FAM83H: variants seen among roughly 807,000 people sequenced by gnomAD.
FAM83H encodes the protein protein FAM83H.
Under a neutral mutation model 30.2 loss-of-function variants are expected in FAM83H, and 24 were observed. The observed-to-expected ratio is 0.79, with a 90% CI of 0.57 to 1.12. The LOEUF (loss-of-function observed/expected upper bound fraction) is 1.12, where lower values mean the gene tolerates loss of function less well. Ranked by LOEUF, FAM83H falls within the 50% of genes most tolerant of loss-of-function variation. The pLI is 0.00. For synonymous variants in FAM83H, 1,013 were observed against 821.7 expected (o/e 1.23, Z -3.98); for missense variants, 2,038 against 1,773.9 (o/e 1.15, Z -2.67).
In FAM83H at chr8:143,727,931, G is replaced by A. The variant is rs1554622975; in HGVS notation, c.1530C>T (p.Tyr510=). ...CCTCGCGGGACGCGCTGGACGGCACGTAGTCCAGCCGCTGGTGCCCGTCGG... is the reference window on the plus strand; with the variant it reads ...CCTCGCGGGACGCGCTGGACGGCACATAGTCCAGCCGCTGGTGCCCGTCGG... ...LGPDGHQRLD[Y]VPSSASREVR... Residue 510 remains tyrosine, a synonymous_variant, in exon 5 of 5, where the codon TAC becomes TAT. Coordinates refer to ENST00000388913, the MANE Select transcript of FAM83H (RefSeq NM_198488.5). 16 of 1,538,142 alleles carry A rather than the reference G, an allele frequency of 1.0e-5. No homozygotes were observed. The highest frequency in any genetic ancestry group is 3.5e-5 in the South Asian group (3 of 84,602).
chr8:143,725,804 G>A lies in FAM83H; in HGVS notation c.*117C>T. The A allele has an allele frequency of 6.5e-7, 1 of 1,527,170 alleles. No homozygotes were observed. The allele number at this position is 1,527,170 out of a possible 1,614,324, so 94.6% of individuals were successfully genotyped here. ...GGCGCACTCAGCCAAGCCCCAAGCG[G>A]CCGTGGCCTGACAGCCGCTGCTCAA... On this transcript the variant is annotated 3_prime_UTR_variant, in exon 5 of 5. Transcript: ENST00000388913.
chr8:143,726,855 C>T lies in FAM83H; in HGVS notation c.2606G>A (p.Gly869Glu). Residue 869 changes from glycine to glutamate, a missense_variant, in exon 5 of 5, where the codon GGG (glycine) becomes GAG (glutamate). Coordinates refer to ENST00000388913, the MANE Select transcript of FAM83H (RefSeq NM_198488.5). ...AHQVLHNESK[G>E]SPTSAYPERK... is the part of the protein sequence containing the mutation. ...CTCAGGGTAAGCCGAGGTGGGGCTC[C>T]CTTTTGACTCATTATGGAGCACCTG... 6 of 1,613,030 alleles carry T rather than the reference C, an allele frequency of 3.7e-6. No individual in the cohort carries two copies. The highest frequency in any genetic ancestry group is 5.1e-6 in the Non-Finnish European group (6 of 1,179,958).
rs1554622155 is a variant in FAM83H at position 143,726,919 on chromosome 8, GC to G, written c.2541del (p.Leu848TrpfsTer126). ...CCTTCCAGCGGCAGAGGGCTGTCCA[GC>G]CCTTGCGGGGACGTTGAGTGGCTCT... The part of the protein sequence containing the change: ...SAQSHSTSPQ[G>X]LDSPLPLEGS... On this transcript the variant is annotated frameshift_variant, in exon 5 of 5. Transcript: ENST00000388913. LOFTEE classifies it low-confidence loss of function (END_TRUNC). The G allele has an allele frequency of 6.2e-7, 1 of 1,612,308 alleles. No individual in the cohort carries two copies. The highest frequency in any genetic ancestry group is 1.3e-5 in the African/African-American group (1 of 75,048).
In FAM83H at chr8:143,727,944, T is replaced by C. The variant is rs1554622996; in HGVS notation, c.1517A>G (p.Gln506Arg). ...GCTGGACGGCACGTAGTCCAGCCGC[T>C]GGTGCCCGTCGGGTCCGAGCTCCGG... ...RFPELGPDGH[Q>R]RLDYVPSSAS... Residue 506 changes from glutamine (Q) to arginine (R), a missense_variant, in exon 5 of 5, where the codon CAG (glutamine) becomes CGG (arginine). Physicochemically the swap from Gln to Arg is conservative, Grantham distance 43. Transcript: ENST00000388913. 3 of 1,548,614 alleles carry C rather than the reference T, an allele frequency of 1.9e-6. No homozygotes were observed. In the South Asian group the frequency reaches 3.5e-5, roughly 18 times the overall value.
chr8:143,726,276 G>T lies in FAM83H; in HGVS notation c.3185C>A (p.Pro1062His). Residue 1062 changes from proline to histidine, a missense_variant, in exon 5 of 5, where the codon CCC becomes CAC. By Grantham distance (77) the Pro-to-His change is moderately conservative. Transcript: ENST00000388913. ...QKHRAVPAPSPGPTHNSPELG... is the reference protein window; with the variant it reads ...QKHRAVPAPSHGPTHNSPELG... ...CTCGGGGCTGTTGTGGGTCGGGCCG[G>T]GGCTCGGGGCAGGGACCGCACGGTG... 6.2e-7 allele frequency: 1 copy of T among 1,612,226 alleles called. No individual in the cohort carries two copies. Among genetic ancestry groups the T allele is most frequent in the Non-Finnish European group, 8.5e-7 (1 of 1,179,720 alleles).
In FAM83H at chr8:143,725,826, T is replaced by C; in HGVS notation, c.*95A>G. On this transcript the variant is annotated 3_prime_UTR_variant, in exon 5 of 5. Transcript: ENST00000388913. ...GCGGCCGTGGCCTGACAGCCGCTGC[T>C]CAAGCAGATGAGCAGGGCTCTCTGT... is the stretch of plus-strand genomic sequence containing the variant. 1.3e-6 allele frequency: 2 copies of C among 1,554,940 alleles called. No individual in the cohort carries two copies. The highest frequency in any genetic ancestry group is 3.9e-5 in the Admixed American group (2 of 51,402).
In FAM83H at chr8:143,726,536, G is replaced by C. The variant is rs1818300738; in HGVS notation, c.2925C>G (p.Pro975=). Reference sequence around the variant, plus strand: ...CATCCTCCATGCGCCGCTCGCCCTTGGGGCTCAGCAGCTGCCTAAGACGCA... The same window carrying C: ...CATCCTCCATGCGCCGCTCGCCCTTCGGGCTCAGCAGCTGCCTAAGACGCA... ...GSLRLRQLLS[P]KGERRMEDEG... Residue 975 remains proline (P), a synonymous_variant, in exon 5 of 5, where the codon CCC becomes CCG. Transcript: ENST00000388913. The C allele has an allele frequency of 1.9e-6, 3 of 1,605,546 alleles. No individual in the cohort carries two copies. Among genetic ancestry groups the C allele is most frequent in the African/African-American group, 1.3e-5 (1 of 74,910 alleles).
chr8:143,733,331 A>T lies in FAM83H; in HGVS notation c.-16+360T>A, dbSNP rs1325340413. ...CACGGCGGCCCGGGCGGATGTCCCC[A>T]GGGAAGGGTCCAGGCCGTGCCCAGC... is the stretch of plus-strand genomic sequence containing the variant. On this transcript the variant is annotated intron_variant, in intron 1 of 4. Coordinates refer to ENST00000388913, the MANE Select transcript of FAM83H (RefSeq NM_198488.5). The surrounding 1 kb of genome is among the most constrained non-coding windows in gnomAD (Gnocchi z 5.6). 5.9e-5 allele frequency among the ~76,000 whole-genome samples: 9 copies of T among 152,112 alleles called. No individual in the cohort carries two copies. Among genetic ancestry groups the T allele is most frequent in the African/African-American group, 2.2e-4 (9 of 41,440 alleles).
In FAM83H at chr8:143,733,759, C is replaced by T. The variant is rs1299134211; in HGVS notation, c.-84G>A. 6.7e-6 allele frequency: 1 copy of T among 149,088 alleles called. No individual in the cohort carries two copies. Among genetic ancestry groups the T allele is most frequent in the Admixed American group, 6.7e-5 (1 of 15,030 alleles). 9.2% of individuals were successfully genotyped at this position (149,088 alleles called of 1,614,324 possible). On this transcript the variant is annotated 5_prime_UTR_variant, in exon 1 of 5. Coordinates refer to ENST00000388913, the MANE Select transcript of FAM83H (RefSeq NM_198488.5). The surrounding 1 kb of genome is among the most constrained non-coding windows in gnomAD (Gnocchi z 5.6). Reference sequence around the variant, plus strand: ...GACCGCCGCCCAGCGGCCTCGCGGTCCGGTCGGTCCGGCAGCCACTCCCTG... The same window carrying T: ...GACCGCCGCCCAGCGGCCTCGCGGTTCGGTCGGTCCGGCAGCCACTCCCTG...
chr8:143,726,299 G>C lies in FAM83H; in HGVS notation c.3162C>G (p.His1054Gln). 6.2e-7 allele frequency: 1 copy of C among 1,612,166 alleles called. No homozygotes were observed. Among genetic ancestry groups the C allele is most frequent in the East Asian group, 2.2e-5 (1 of 44,834 alleles). ...LEQISAHGQK[H>Q]RAVPAPSPGP... ...CGGGGCTCGGGGCAGGGACCGCACG[G>C]TGCTTCTGGCCGTGGGCACTGATCT... is the stretch of plus-strand genomic sequence containing the variant. The change falls in exon 5 of 5, where the codon CAC becomes CAG. Residue 1054 changes from histidine to glutamine, a missense_variant. Transcript: ENST00000388913.
In FAM83H at chr8:143,727,623, ACGT is replaced by A; in HGVS notation, c.1835_1837del (p.Asp612del). 8 of 1,581,546 alleles carry A rather than the reference ACGT, an allele frequency of 5.1e-6. No individual in the cohort carries two copies. Among genetic ancestry groups the A allele is most frequent in the Non-Finnish European group, 6.8e-6 (8 of 1,170,870 alleles). On this transcript the variant is annotated inframe_deletion, in exon 5 of 5. Transcript: ENST00000388913. ...AGGTGCCCGGCCCCCGGGAGCCAGC[ACGT>A]CGTCTTCGTAAGCCTCCGCTTCCAT... is the stretch of plus-strand genomic sequence containing the variant.
Position 143,725,155 on chromosome 8 carries a change from A to AAGGGGGGGGGGGGGGGGGGGG in FAM83H, c.*765_*766insCCCCCCCCCCCCCCCCCCCCT, listed in dbSNP as rs1563755742. 1 of 1,408 alleles carries AAGGGGGGGGGGGGGGGGGGGG rather than the reference A, an allele frequency of 7.1e-4. No individual in the cohort carries two copies. Among genetic ancestry groups the AAGGGGGGGGGGGGGGGGGGGG allele is most frequent in the African/African-American group, 2.7e-3 (1 of 366 alleles). 0.1% of individuals were successfully genotyped at this position (1,408 alleles called of 1,614,324 possible). On this transcript the variant is annotated 3_prime_UTR_variant, in exon 5 of 5. Transcript: ENST00000388913. The stretch of plus-strand genomic sequence containing the variant: ...GAAGCCCAGGCGGGGGAGGGGGGAG[A>AAGGGGGGGGGGGGGGGGGGGG]CGGGGGGGGGGGGGGGGGAGGGAAG...
chr8:143,729,012 TTC>T lies in FAM83H; in HGVS notation c.690_691del (p.Lys231ValfsTer21). The stretch of plus-strand genomic sequence containing the variant: ...CACGGCACAGTCCACCAGCAGGAAC[TTC>T]TCCTTGACGTGGCCCTTGAAGGACT... On this transcript the variant is annotated frameshift_variant, in exon 4 of 5. Transcript: ENST00000388913. LOFTEE classifies it low-confidence loss of function (END_TRUNC). 1 of 1,613,700 alleles carries T rather than the reference TTC, an allele frequency of 6.2e-7. No individual in the cohort carries two copies. Among genetic ancestry groups the T allele is most frequent in the Non-Finnish European group, 8.5e-7 (1 of 1,179,986 alleles).
At position 143,732,346 on chromosome 8, in the gene FAM83H, C is replaced by T. The variant is rs939167313; in HGVS notation, c.-16+1345G>A. The T allele has an allele frequency of 1.0e-5, 10 of 985,304 alleles. No individual in the cohort carries two copies. In the East Asian group the frequency reaches 4.5e-4, roughly 45 times the overall value. The allele number at this position is 985,304 out of a possible 1,614,324, so 61.0% of individuals were successfully genotyped here. A position where few individuals can be genotyped will look rare whatever the true frequency, so the allele number is the denominator to read the frequency against. ...CGCTCTGGTTGTGCCAGGGGCAGAT[C>T]GAGGCCAACCACATGGGGGTGAGGT... On this transcript the variant is annotated intron_variant, in intron 1 of 4. Coordinates refer to ENST00000388913, the MANE Select transcript of FAM83H (RefSeq NM_198488.5).
In FAM83H at chr8:143,727,540, G is replaced by A. The variant is rs1482253952; in HGVS notation, c.1921C>T (p.Pro641Ser). ...CCGCCGCTGCCCGGGCCTGGCACCG[G>A]GACCTTGGTGGGGAAGGCTGCTGGG... ...RVPAAFPTKV[P>S]VPGPGSGGNG... Residue 641 changes from proline to serine, a missense_variant, in exon 5 of 5, where the codon CCG becomes TCG. Transcript: ENST00000388913. 1.9e-6 allele frequency: 3 copies of A among 1,585,738 alleles called. No individual in the cohort carries two copies. In the Admixed American group the frequency reaches 5.1e-5, roughly 27 times the overall value.
At position 143,728,356 on chromosome 8, in the gene FAM83H, G is replaced by T; in HGVS notation, c.1105C>A (p.Pro369Thr). The T allele has an allele frequency of 6.5e-7, 1 of 1,540,814 alleles. No individual in the cohort carries two copies. Among genetic ancestry groups the T allele is most frequent in the Non-Finnish European group, 8.8e-7 (1 of 1,142,466 alleles). Residue 369 changes from proline to threonine, a missense_variant, in exon 5 of 5, where the codon CCG becomes ACG. By Grantham distance (38) the Pro-to-Thr change is conservative (BLOSUM62 -1). Transcript: ENST00000388913. ...PPRMPGGALE[P>T]HAGLRPLSRR... ...GAGAGCGGCCGCAGCCCCGCGTGCGGTTCCAGCGCGCCCCCCGGCATCCGC... is the reference window on the plus strand; with the variant it reads ...GAGAGCGGCCGCAGCCCCGCGTGCGTTTCCAGCGCGCCCCCCGGCATCCGC...
In FAM83H at chr8:143,726,692, C is replaced by T. The variant is rs1554621992; in HGVS notation, c.2769G>A (p.Arg923=). Residue 923 remains arginine, a synonymous_variant, in exon 5 of 5, where the codon AGG becomes AGA. Transcript: ENST00000388913. ...CCGGCACGGGGGGCACCGGACTGCT[C>T]CTGCGCTCCGGCACGGGGGGCACCG... ...GSPVPPVPER[R]SSPVPPVPER... is the part of the protein sequence containing the mutation. 2.5e-6 allele frequency: 4 copies of T among 1,601,358 alleles called. No individual in the cohort carries two copies. Among genetic ancestry groups the T allele is most frequent in the South Asian group, 2.2e-5 (2 of 89,828 alleles).
rs1001746570 is a variant in FAM83H, at chr8:143,725,396, G to C, written c.*525C>G. 5.9e-6 allele frequency: 1 copy of C among 169,366 alleles called. No individual in the cohort carries two copies. Among genetic ancestry groups the C allele is most frequent in the African/African-American group, 2.4e-5 (1 of 41,648 alleles). The allele number at this position is 169,366 out of a possible 1,614,324, so 10.5% of individuals were successfully genotyped here. A position where few individuals can be genotyped will look rare whatever the true frequency, so the allele number is the denominator to read the frequency against. On this transcript the variant is annotated 3_prime_UTR_variant, in exon 5 of 5. Transcript: ENST00000388913. ...TGATCATTTGAGGCCAGGAGTTGGA[G>C]ACCAGCCTGGCCAACATAGTGAAAC...
Position 143,733,252 on chromosome 8 carries a change from CACTCGCCCT to C in FAM83H, c.-16+430_-16+438del, listed in dbSNP as rs2129713896. The C allele has an allele frequency of 6.6e-6, 1 of 152,450 alleles. No individual in the cohort carries two copies. The highest frequency in any genetic ancestry group is 2.1e-4 in the South Asian group (1 of 4,832). 9.4% of individuals were successfully genotyped at this position (152,450 alleles called of 1,614,324 possible). Reference sequence around the variant, plus strand: ...TGGGCGCGAGGGGCAGCACTCCCATCACTCGCCCTGCTCGCCACGCGGGGATCCAGGCCG... The same window carrying C: ...TGGGCGCGAGGGGCAGCACTCCCATCGCTCGCCACGCGGGGATCCAGGCCG... On this transcript the variant is annotated intron_variant, in intron 1 of 4. Coordinates refer to ENST00000388913, the MANE Select transcript of FAM83H (RefSeq NM_198488.5). The surrounding 1 kb of genome is among the most constrained non-coding windows in gnomAD (Gnocchi z 5.6).
Sources: gnomAD v4.1 joint callset for allele counts (sites outside exome capture counted in the v4.1 genomes callset) on GRCh38, gnomAD v4.1.1 for gene constraint, Gnocchi (gnomAD v3.1) non-coding constraint, MANE v1.5 for transcripts, NCBI Gene and HGNC (gene_info 2026-07-23, HGNC 2026-07-21) for gene names.